DIAPH2: variants seen among roughly 807,000 people sequenced by gnomAD.
DIAPH2 encodes diaphanous related formin 2.
DIAPH2 carries 35 observed loss-of-function variants against 92.7 expected under a neutral mutation model. The observed-to-expected ratio is 0.38, with a 90% CI of 0.29 to 0.50. The LOEUF (loss-of-function observed/expected upper bound fraction) is 0.50, where lower values mean the gene tolerates loss of function less well. Ranked by LOEUF, DIAPH2 falls within the 20% of genes least tolerant of loss-of-function variation. DIAPH2 has a pLI of 0.94. For missense variants in DIAPH2, 701 were observed against 819.5 expected (o/e 0.86, Z 1.77); for synonymous variants, 301 against 280.4 (o/e 1.07, Z -0.73).
intron 19 of DIAPH2, among the ~76,000 whole-genome samples, chrX:97,087,074 C>T (rs1383720422): frequency 8.9e-6 from 1 of 111,801 alleles, no homozygotes; most frequent in Non-Finnish European, 1.9e-5. Context: ...TCTTCATTGA[C>T]ATTCATTATT....
At chrX:97,108,685 T>C (rs2066959004) in intron 20 of DIAPH2, among the ~76,000 whole-genome samples, 1 of 112,218 alleles carries the variant, frequency 8.9e-6, no homozygotes, top group Admixed American at 9.5e-5. Flanking sequence ...TGCACATGTA[T>C]AGCTTGCCTC....
intron 23 of DIAPH2, among the ~76,000 whole-genome samples, chrX:97,302,477 G>A (rs963245708): frequency 1.8e-5 from 2 of 110,750 alleles, no homozygotes; most frequent in African/African-American, 6.6e-5. Flanking sequence ...GTTGCAGTGA[G>A]ATGAGACTGT....
chrX:96,957,744 C>A, intron 15 of DIAPH2, 84 bp from the exon 16 acceptor site: 1 of 683,315 alleles, frequency 1.5e-6, no homozygotes, highest in Non-Finnish European at 2.2e-6. Flanking sequence ...GATAAATAAA[C>A]TACAAATATC....
intron 10 of DIAPH2, among the ~76,000 whole-genome samples, chrX:96,933,536 A>ATG (rs1301673053): frequency 5.8e-5 from 6 of 103,556 alleles, no homozygotes; most frequent in Non-Finnish European, 9.8e-5. Flanking sequence ...GTGTGTATAT[A>ATG]TGTGTATATA....
chrX:97,213,519 C>T (rs959080781), intron 22 of DIAPH2, among the ~76,000 whole-genome samples: 4 of 111,777 alleles, frequency 3.6e-5, no homozygotes, highest in Non-Finnish European at 7.5e-5. Flanking sequence ...CCAAAGCCAA[C>T]TAAATACTAT....
chrX:97,095,103 T>TC (rs2066857320), intron 19 of DIAPH2, among the ~76,000 whole-genome samples: 7 of 26,374 alleles, frequency 2.7e-4, no homozygotes, highest in African/African-American at 6.8e-4. Context: ...TTTTTCTTTT[T>TC]TTTTTTTTTT....
At chrX:97,105,590 CTT>C (rs2066934787) in intron 20 of DIAPH2, among the ~76,000 whole-genome samples, 2 of 111,909 alleles carry the variant, frequency 1.8e-5, no homozygotes, top group African/African-American at 6.5e-5. Context: ...CTTTTAGACT[CTT>C]CTGAGTGTCT....
At chrX:97,509,339 G>A (rs1310714417) in intron 26 of DIAPH2, among the ~76,000 whole-genome samples, 1 of 109,215 alleles carries the variant, frequency 9.2e-6, no homozygotes, top group Non-Finnish European at 1.9e-5. Context: ...AAGCCACTGT[G>A]CCCAGCCCAA....
intron 22 of DIAPH2, among the ~76,000 whole-genome samples, chrX:97,241,582 G>A (rs1485535804): frequency 9.0e-6 from 1 of 110,802 alleles, no homozygotes; most frequent in African/African-American, 3.3e-5. Context: ...ACAGGCATGA[G>A]CCACCACGCC....
chrX:96,849,367 C>T (rs375036463), intron 4 of DIAPH2, among the ~76,000 whole-genome samples: 4 of 111,175 alleles, frequency 3.6e-5, no homozygotes, highest in East Asian at 2.8e-4. Flanking sequence ...GGTTTCGCCA[C>T]GTTGACCAGG....
At chrX:97,496,168 CTTT>C (rs10632820) in intron 26 of DIAPH2, among the ~76,000 whole-genome samples, 4 of 54,090 alleles carry the variant, frequency 7.4e-5, no homozygotes, top group African/African-American at 1.5e-4. Context: ...GAATTGGTAC[CTTT>C]TTTTTTTTTT....
At chrX:96,761,030 A>G (rs2147601947) in intron 4 of DIAPH2, among the ~76,000 whole-genome samples, 1 of 111,524 alleles carries the variant, frequency 9.0e-6, no homozygotes, top group East Asian at 2.8e-4. Context: ...TATATTTTCA[A>G]AACACCAGCA....
chrX:96,874,373 A>G (rs2065164534), intron 4 of DIAPH2, among the ~76,000 whole-genome samples: 1 of 111,937 alleles, frequency 8.9e-6, no homozygotes, highest in African/African-American at 3.2e-5. Flanking sequence ...AGAAAATACT[A>G]GTGGACACAC....
intron 20 of DIAPH2, among the ~76,000 whole-genome samples, chrX:97,113,072 G>A (rs750399954): frequency 2.2e-4 from 24 of 110,398 alleles, no homozygotes; most frequent in African/African-American, 7.9e-4. Flanking sequence ...CAGCCACCGC[G>A]CCCGGCCACT....
At chrX:96,910,428 A>G (rs2065462329) in intron 5 of DIAPH2, among the ~76,000 whole-genome samples, 1 of 111,108 alleles carries the variant, frequency 9.0e-6, no homozygotes, top group Non-Finnish European at 1.9e-5. Context: ...TTAAAAATAT[A>G]TTTTCTTCAG....
At chrX:96,719,812 T>G (rs1482349469) in intron 1 of DIAPH2, among the ~76,000 whole-genome samples, 4 of 112,377 alleles carry the variant, frequency 3.6e-5, no homozygotes, top group Non-Finnish European at 1.9e-5. Flanking sequence ...TAAAAAAAAT[T>G]TCTGTGAAGA....
intron 1 of DIAPH2, among the ~76,000 whole-genome samples, chrX:96,688,760 C>T (rs2063784398): frequency 8.9e-6 from 1 of 112,208 alleles, no homozygotes; most frequent in Non-Finnish European, 1.9e-5. Context: ...TTGTAGTCTA[C>T]TGAGACAGAC....
chrX:97,204,866 A>G (rs1306601308), intron 22 of DIAPH2, among the ~76,000 whole-genome samples: 3 of 111,815 alleles, frequency 2.7e-5, no homozygotes, highest in Non-Finnish European at 5.6e-5. Flanking sequence ...TATAGCCAAG[A>G]CAATCCTGAG....
chrX:97,047,495 A>G (rs967821420), intron 17 of DIAPH2, among the ~76,000 whole-genome samples: 18 of 104,159 alleles, frequency 1.7e-4, no homozygotes, highest in Non-Finnish European at 2.9e-4. Context: ...AATCTGTGTT[A>G]AACACTTCAG....
Sources: allele counts gnomAD v4.1 joint callset (sites outside exome capture counted in the v4.1 genomes callset), GRCh38; gene constraint gnomAD v4.1.1; transcripts MANE v1.5; gene names NCBI Gene and HGNC (gene_info 2026-07-23, HGNC 2026-07-21).